The following SLC25A21 variants were observed in gnomAD, a reference collection of about 807,000 sequenced individuals.
SLC25A21 encodes the protein mitochondrial 2-oxodicarboxylate carrier.
SLC25A21 carries 47 observed loss-of-function variants against 43.8 expected under a neutral mutation model. That is an observed-to-expected ratio of 1.07 (90% CI 0.85 to 1.37). The LOEUF is 1.37. Ranked by LOEUF, SLC25A21 falls within the 40% of genes most tolerant of loss-of-function variation. The pLI, the probability that SLC25A21 is intolerant of heterozygous loss-of-function variation, is 0.00. For missense variants in SLC25A21, 352 were observed against 350.2 expected (o/e 1.00, Z -0.04); for synonymous variants, 131 against 121.3 (o/e 1.08, Z -0.52).
intron 1 of SLC25A21, among the ~76,000 whole-genome samples, chr14:37,164,700 T>C (rs1469670278): frequency 6.6e-6 from 1 of 152,188 alleles, no homozygotes; most frequent in Non-Finnish European, 1.5e-5. Flanking sequence ...AGGAGTAATC[T>C]TGTGAAAATG....
chr14:36,902,639 G>A (rs1012744042), intron 1 of SLC25A21, among the ~76,000 whole-genome samples: 1 of 152,086 alleles, frequency 6.6e-6, no homozygotes. Context: ...TAATTTTTAC[G>A]GCAGAGGAGG....
intron 1 of SLC25A21, among the ~76,000 whole-genome samples, chr14:36,958,529 GAGATA>G (rs1959399099): frequency 6.6e-6 from 1 of 152,146 alleles, no homozygotes; most frequent in Non-Finnish European, 1.5e-5. Context: ...CAACTTCACA[GAGATA>G]TTAAAAGTTA....
intron 2 of SLC25A21, among the ~76,000 whole-genome samples, chr14:36,871,414 C>T (rs56302256): frequency 0.026 from 3,971 of 152,216 alleles, 171 homozygotes; most frequent in African/African-American, 0.092. Context: ...ATAAGTTACC[C>T]AGTTTATGAT....
In SLC25A21 at chr14:36,988,301, A is replaced by G. The variant is rs555862051; in HGVS notation, c.71-113297T>C. On this transcript the variant is annotated intron_variant, in intron 1 of 9. Coordinates refer to ENST00000331299, the MANE Select transcript of SLC25A21 (RefSeq NM_030631.4). ...TCCTTGCCCCTGGTTAGTCCTTCCT[A>G]TCAAGGTTAAGGACTATTTCAAGAG... Among the ~76,000 whole-genome samples, 5 of 152,276 alleles carry G rather than the reference A, an allele frequency of 3.3e-5. No individual in the cohort carries two copies. In the South Asian group the frequency reaches 1.0e-3, roughly 32 times the overall value.
rs145338590 is a variant in SLC25A21, at chr14:36,828,893, A to G, written c.120-14892T>C. Reference sequence around the variant, plus strand: ...ATCAGCTCTTCCAGATCCACTCTCTACCCCTTTCTTTGTTTTGTTTATTTG... The same window carrying G: ...ATCAGCTCTTCCAGATCCACTCTCTGCCCCTTTCTTTGTTTTGTTTATTTG... On this transcript the variant is annotated intron_variant, in intron 2 of 9. Transcript: ENST00000331299. Among the ~76,000 whole-genome samples the G allele has an allele frequency of 3.6e-3, 547 of 151,716 alleles. 2 individuals are homozygous for G. Among genetic ancestry groups the G allele is most frequent in the Non-Finnish European group, 6.3e-3 (430 of 67,876 alleles).
At chr14:37,088,438 C>G (rs1382126799) in intron 1 of SLC25A21, among the ~76,000 whole-genome samples, 1 of 152,168 alleles carries the variant, frequency 6.6e-6, no homozygotes, top group Non-Finnish European at 1.5e-5. Flanking sequence ...TTTTAATACT[C>G]ACAGGTTTTT....
At chr14:37,043,714 G>A (rs906047479) in intron 1 of SLC25A21, among the ~76,000 whole-genome samples, 9 of 151,728 alleles carry the variant, frequency 5.9e-5, no homozygotes, top group African/African-American at 1.9e-4. Context: ...TATTCAAATT[G>A]CTTGGTCACT....
chr14:37,045,988 G>A lies in SLC25A21; in HGVS notation c.70+126293C>T, dbSNP rs79798749. The stretch of plus-strand genomic sequence containing the variant: ...TTACTGAGGGATTATTCTGTGCCAG[G>A]ACCTGTTTTCAGTGTTTTACATAAG... On this transcript the variant is annotated intron_variant, in intron 1 of 9. Coordinates refer to ENST00000331299, the MANE Select transcript of SLC25A21 (RefSeq NM_030631.4). Among the ~76,000 whole-genome samples the A allele has an allele frequency of 0.016, 2,486 of 152,264 alleles. 198 individuals are homozygous for A. In the East Asian group the frequency reaches 0.26, roughly 16 times the overall value.
chr14:36,747,680 C>T (rs973145843), intron 3 of SLC25A21, among the ~76,000 whole-genome samples: 8 of 152,162 alleles, frequency 5.3e-5, no homozygotes, highest in African/African-American at 1.9e-4. Context: ...GCAGACTGTT[C>T]CCCAAGTATA....
intron 3 of SLC25A21, among the ~76,000 whole-genome samples, chr14:36,764,467 C>T (rs1886325158): frequency 6.6e-6 from 1 of 150,588 alleles, no homozygotes; most frequent in South Asian, 2.1e-4. Context: ...GCACAAGCTG[C>T]CACGCGTGAA....
chr14:37,064,124 G>C (rs183077588), intron 1 of SLC25A21, among the ~76,000 whole-genome samples: 2 of 152,194 alleles, frequency 1.3e-5, no homozygotes, highest in South Asian at 2.1e-4. Context: ...AGCCCAGATA[G>C]AACAAAAAGA....
chr14:37,101,144 T>G (rs1962809916), intron 1 of SLC25A21, among the ~76,000 whole-genome samples: 1 of 152,256 alleles, frequency 6.6e-6, no homozygotes, highest in Non-Finnish European at 1.5e-5. Flanking sequence ...CAAAGAGGTG[T>G]AATAATTTTT....
At chr14:36,762,132 T>C (rs1053102501) in intron 3 of SLC25A21, among the ~76,000 whole-genome samples, 4 of 152,210 alleles carry the variant, frequency 2.6e-5, no homozygotes, top group Non-Finnish European at 5.9e-5. Flanking sequence ...AGACCTCTTA[T>C]GGAAGTGAGG....
intron 1 of SLC25A21, among the ~76,000 whole-genome samples, chr14:36,984,721 G>A (rs1960106737): frequency 6.6e-6 from 1 of 151,840 alleles, no homozygotes; most frequent in South Asian, 2.1e-4. Context: ...ATTTAGAGAA[G>A]AACTGAAAGA....
At chr14:37,097,596 T>A (rs8005939) in intron 1 of SLC25A21, among the ~76,000 whole-genome samples, 1 of 152,036 alleles carries the variant, frequency 6.6e-6, no homozygotes, top group African/African-American at 2.4e-5. Context: ...ACAAAAATAA[T>A]ATCAGGCAGG....
intron 1 of SLC25A21, among the ~76,000 whole-genome samples, chr14:36,967,480 A>C (rs1959643150): frequency 6.6e-6 from 1 of 152,168 alleles, no homozygotes; most frequent in African/African-American, 2.4e-5. Context: ...TTGACCTGAA[A>C]ATGCTGAGTT....
At chr14:36,888,702 G>GA (rs1462806677) in intron 1 of SLC25A21, among the ~76,000 whole-genome samples, 1 of 152,108 alleles carries the variant, frequency 6.6e-6, no homozygotes, top group Non-Finnish European at 1.5e-5. Flanking sequence ...CCATTCATTA[G>GA]ATGTACAGAA....
chr14:36,939,315 G>A (rs1287767515), intron 1 of SLC25A21, among the ~76,000 whole-genome samples: 3 of 151,944 alleles, frequency 2.0e-5, no homozygotes, highest in Non-Finnish European at 2.9e-5. Context: ...GGGTGGGGGG[G>A]GAATGTAAAT....
chr14:37,109,903 T>C (rs568719202), intron 1 of SLC25A21, among the ~76,000 whole-genome samples: 71 of 152,326 alleles, frequency 4.7e-4, no homozygotes, highest in African/African-American at 1.6e-3. Flanking sequence ...TTTCCAGTTA[T>C]GTTTCCCACA....
Sources: gnomAD v4.1 joint callset for allele counts (sites outside exome capture counted in the v4.1 genomes callset) on GRCh38, gnomAD v4.1.1 for gene constraint, MANE v1.5 for transcripts, NCBI Gene and HGNC (gene_info 2026-07-23, HGNC 2026-07-21) for gene names.